CCR9: variants seen among roughly 807,000 people sequenced by gnomAD.
CCR9 encodes the protein C-C chemokine receptor type 9.
A neutral mutation model predicts 8.7 loss-of-function variants in CCR9; 4 were observed. The observed-to-expected ratio is 0.46, with a 90% CI of 0.23 to 1.06. CCR9 has a LOEUF of 1.06. Among genes scored for constraint, CCR9 ranks in the 50% least tolerant of loss-of-function variants. The pLI is 0.21. For synonymous variants in CCR9, 159 were observed against 168.8 expected (o/e 0.94, Z 0.45); for missense variants, 394 against 453.6 (o/e 0.87, Z 1.19).
chr3:45,901,556 C>G lies in CCR9; in HGVS notation c.768C>G (p.Thr256=). ...KSSKHKALKV[T]ITVLTVFVLS... is the part of the protein sequence containing the mutation. ...CCAAGCACAAAGCCCTAAAAGTGAC[C>G]ATCACTGTCCTGACCGTCTTTGTCT... The change falls in exon 3 of 3, where the codon ACC becomes ACG. Residue 256 remains threonine, a synonymous_variant. Coordinates refer to ENST00000357632, the MANE Select transcript of CCR9 (RefSeq NM_031200.3). The surrounding 1 kb of genome is among the most constrained non-coding windows in gnomAD (Gnocchi z 4.3). 1 of 1,614,192 alleles carries G rather than the reference C, an allele frequency of 6.2e-7. No individual in the cohort carries two copies. The highest frequency in any genetic ancestry group is 8.5e-7 in the Non-Finnish European group (1 of 1,180,028).
chr3:45,897,844 A>C (rs923083796), intron 2 of CCR9, among the ~76,000 whole-genome samples: 7 of 152,048 alleles, frequency 4.6e-5, no homozygotes, highest in African/African-American at 1.7e-4. Flanking sequence ...GCAGGAGGAG[A>C]GCAGGCTTGC....
Position 45,901,386 on chromosome 3 carries a change from A to G in CCR9, c.598A>G (p.Met200Val), listed in dbSNP as rs200323402. 30 of 1,614,076 alleles carry G rather than the reference A, an allele frequency of 1.9e-5. No individual in the cohort carries two copies. The highest frequency in any genetic ancestry group is 2.7e-5 in the African/African-American group (2 of 74,930). Reference sequence around the variant, plus strand: ...GGAATCCGGCATTGCTATCTGCACCATGGTTTACCCTAGCGATGAGAGCAC... The same window carrying G: ...GGAATCCGGCATTGCTATCTGCACCGTGGTTTACCCTAGCGATGAGAGCAC... ...KEESGIAICT[M>V]VYPSDESTKL... The change falls in exon 3 of 3, where the codon ATG (methionine) becomes GTG (valine). Residue 200 changes from methionine (M) to valine (V), a missense_variant. Met to Val is a conservative substitution (Grantham distance 21). Transcript: ENST00000357632. The surrounding 1 kb of genome is among the most constrained non-coding windows in gnomAD (Gnocchi z 4.3).
At chr3:45,896,064 C>T (rs772633328) in intron 2 of CCR9, among the ~76,000 whole-genome samples, 1 of 152,178 alleles carries the variant, frequency 6.6e-6, no homozygotes, top group Non-Finnish European at 1.5e-5. Flanking sequence ...TGTATAGTTA[C>T]CTAATTGCAC....
chr3:45,888,586 C>T (rs1040112678), intron 1 of CCR9, among the ~76,000 whole-genome samples: 4 of 152,196 alleles, frequency 2.6e-5, no homozygotes, highest in African/African-American at 9.6e-5. Flanking sequence ...CCTCACTGAG[C>T]AGCAAGGGAG....
At chr3:45,887,485 C>T (rs1174506164) in intron 1 of CCR9, among the ~76,000 whole-genome samples, 1 of 152,124 alleles carries the variant, frequency 6.6e-6, no homozygotes, top group Non-Finnish European at 1.5e-5. Context: ...GCTGGTTTGC[C>T]TTTTCAAACA....
chr3:45,894,410 G>A (rs1279354734), intron 1 of CCR9, among the ~76,000 whole-genome samples: 1 of 152,170 alleles, frequency 6.6e-6, no homozygotes, highest in Non-Finnish European at 1.5e-5. Flanking sequence ...CCCTTTTCCT[G>A]GGGAGTCCAG....
At chr3:45,895,629 G>A (rs1191406423) in intron 2 of CCR9, among the ~76,000 whole-genome samples, 3 of 151,892 alleles carry the variant, frequency 2.0e-5, no homozygotes, top group South Asian at 4.1e-4. Context: ...CACGAGAGTC[G>A]CTTGAGCCTG....
intron 1 of CCR9, among the ~76,000 whole-genome samples, chr3:45,893,457 C>A (rs1702254277): frequency 6.6e-6 from 1 of 152,124 alleles, no homozygotes; most frequent in African/African-American, 2.4e-5. Flanking sequence ...GCCCAGCCAC[C>A]TCCCCTTCTC....
chr3:45,894,129 T>C (rs947822397), intron 1 of CCR9, among the ~76,000 whole-genome samples: 2 of 152,218 alleles, frequency 1.3e-5, no homozygotes, highest in Non-Finnish European at 2.9e-5. Flanking sequence ...TGTTGTTTCT[T>C]TGGTTATGTA....
chr3:45,901,809 G>A lies in CCR9; in HGVS notation c.1021G>A (p.Ala341Thr). Residue 341 changes from alanine to threonine, a missense_variant, in exon 3 of 3, where the codon GCC becomes ACC. Physicochemically the swap from Ala to Thr is moderately conservative, Grantham distance 58. Coordinates refer to ENST00000357632, the MANE Select transcript of CCR9 (RefSeq NM_031200.3). The surrounding 1 kb of genome is among the most constrained non-coding windows in gnomAD (Gnocchi z 4.3). ...GAAGAACTTGGGTTGCATCAGCCAG[G>A]CCCAGTGGGTTTCATTTACAAGGAG... ...TLKNLGCISQ[A>T]QWVSFTRREG... 4 of 1,614,090 alleles carry A rather than the reference G, an allele frequency of 2.5e-6. No individual in the cohort carries two copies. The highest frequency in any genetic ancestry group is 8.5e-7 in the Non-Finnish European group (1 of 1,179,960).
rs952339946 is a variant in CCR9, at chr3:45,902,079, A to G, written c.*181A>G. ...GCAAATATTTCAAAATCAACTGACT[A>G]GTGCAGGAGGCTGTTGATTGGCTCT... On this transcript the variant is annotated 3_prime_UTR_variant, in exon 3 of 3. Transcript: ENST00000357632. 1 of 584,426 alleles carries G rather than the reference A, an allele frequency of 1.7e-6. No homozygotes were observed. The highest frequency in any genetic ancestry group is 3.0e-6 in the Non-Finnish European group (1 of 331,576). 36.2% of individuals were successfully genotyped at this position (584,426 alleles called of 1,614,324 possible). A position where few individuals can be genotyped will look rare whatever the true frequency, so the allele number is the denominator to read the frequency against.
At chr3:45,892,061 T>C (rs897633996) in intron 1 of CCR9, among the ~76,000 whole-genome samples, 3 of 152,048 alleles carry the variant, frequency 2.0e-5, no homozygotes, top group Non-Finnish European at 4.4e-5. Context: ...GCCCTGGCTG[T>C]TTAGTGGAGA....
chr3:45,888,217 C>T (rs991593720), intron 1 of CCR9, among the ~76,000 whole-genome samples: 2 of 152,220 alleles, frequency 1.3e-5, no homozygotes, highest in Admixed American at 1.3e-4. Context: ...TGCTTTCTGA[C>T]TTTCATGCCT....
chr3:45,894,532 C>A (rs1223410570), intron 1 of CCR9, among the ~76,000 whole-genome samples: 1 of 152,138 alleles, frequency 6.6e-6, no homozygotes, highest in Admixed American at 6.5e-5. Flanking sequence ...GACAGACAAG[C>A]TGAATCAAGG....
At chr3:45,893,038 C>T (rs1477729626) in intron 1 of CCR9, among the ~76,000 whole-genome samples, 2 of 152,204 alleles carry the variant, frequency 1.3e-5, no homozygotes, top group Non-Finnish European at 2.9e-5. Flanking sequence ...GACGTACATA[C>T]ACCCTTGCGA....
chr3:45,900,985 A>G lies in CCR9; in HGVS notation c.197A>G (p.Asn66Ser), dbSNP rs1224563041. ...WLVFIVGALG[N>S]SLVILVYWYC... ...GTGTTCATCGTGGGTGCCTTGGGCA[A>G]CAGTCTTGTTATCCTTGTCTACTGG... The change falls in exon 3 of 3, where the codon AAC (asparagine) becomes AGC (serine). Residue 66 changes from asparagine (N) to serine (S), a missense_variant. Coordinates refer to ENST00000357632, the MANE Select transcript of CCR9 (RefSeq NM_031200.3). The surrounding 1 kb of genome is among the most constrained non-coding windows in gnomAD (Gnocchi z 4.7). The G allele has an allele frequency of 8.1e-6, 13 of 1,614,156 alleles. No individual in the cohort carries two copies. Among genetic ancestry groups the G allele is most frequent in the Non-Finnish European group, 9.3e-6 (11 of 1,180,012 alleles).
intron 1 of CCR9, among the ~76,000 whole-genome samples, chr3:45,890,308 T>TATATATAAATATATATATAAA (rs1176858500): frequency 1.3e-5 from 1 of 77,364 alleles, no homozygotes; most frequent in African/African-American, 1.4e-4. Context: ...ATATAACATA[T>TATATATAAATATATATATAAA]ATATATATTT....
At position 45,901,048 on chromosome 3, in the gene CCR9, T is replaced by C. The variant is rs749203646; in HGVS notation, c.260T>C (p.Leu87Pro). The change falls in exon 3 of 3, where the codon CTT (leucine) becomes CCT (proline). Residue 87 changes from leucine (L) to proline (P), a missense_variant. Physicochemically the swap from Leu to Pro is moderately conservative, Grantham distance 98. Coordinates refer to ENST00000357632, the MANE Select transcript of CCR9 (RefSeq NM_031200.3). This position sits in a 1 kb window ranked among gnomAD's most constrained non-coding sequence, Gnocchi z 4.3. ...TRVKTMTDMF[L>P]LNLAIADLLF... ...GTGAAGACCATGACCGACATGTTCC[T>C]TTTGAATTTGGCAATTGCTGACCTC... The C allele has an allele frequency of 6.8e-6, 11 of 1,614,104 alleles. No homozygotes were observed. The African/African-American group carries it at 1.5e-4, about 22-fold the overall frequency.
chr3:45,901,107 G>A lies in CCR9; in HGVS notation c.319G>A (p.Ala107Thr). The part of the protein sequence containing the change: ...FLVTLPFWAI[A>T]AADQWKFQTF... The stretch of plus-strand genomic sequence containing the variant: ...TGTCACTCTTCCCTTCTGGGCCATT[G>A]CTGCTGCTGACCAGTGGAAGTTCCA... Residue 107 changes from alanine (A) to threonine (T), a missense_variant, in exon 3 of 3, where the codon GCT (alanine) becomes ACT (threonine). Transcript: ENST00000357632. This position sits in a 1 kb window ranked among gnomAD's most constrained non-coding sequence, Gnocchi z 4.3. The A allele has an allele frequency of 1.2e-6, 2 of 1,614,056 alleles. No individual in the cohort carries two copies. The highest frequency in any genetic ancestry group is 1.7e-6 in the Non-Finnish European group (2 of 1,179,974).
Sources: allele counts gnomAD v4.1 joint callset (sites outside exome capture counted in the v4.1 genomes callset), GRCh38; gene constraint gnomAD v4.1.1; non-coding constraint Gnocchi (gnomAD v3.1); transcripts MANE v1.5; gene names NCBI Gene and HGNC (gene_info 2026-07-23, HGNC 2026-07-21).